Variants in PHC3 observed in about 807,000 individuals in gnomAD.
PHC3 encodes polyhomeotic homolog 3.
In PHC3, 13 loss-of-function variants were observed where a neutral mutation model predicts 107.4. The ratio of observed to expected loss-of-function variants is 0.12; its 90% CI spans 0.08 to 0.19. PHC3 has a LOEUF of 0.19. PHC3 is among the 10% of genes least tolerant of loss of function. The pLI, the probability that PHC3 is intolerant of heterozygous loss-of-function variation, is 1.00. For missense variants in PHC3, 992 were observed against 1,210.9 expected, an observed-to-expected ratio of 0.82 and a Z score of 2.68; for synonymous variants, 456 against 427.4, an observed-to-expected ratio of 1.07 and a Z score of -0.83.
Position 170,094,617 on chromosome 3 carries a change from G to A in PHC3, c.*2613C>T, listed in dbSNP as rs1038298672. 4 of 152,126 alleles carry A rather than the reference G, an allele frequency of 2.6e-5. No individual in the cohort carries two copies. The highest frequency in any genetic ancestry group is 4.4e-5 in the Non-Finnish European group (3 of 68,026). 9.4% of individuals were successfully genotyped at this position (152,126 alleles called of 1,614,324 possible). ...GTTGTCTATATATCCATTATATATAGCTGAAGCTTTGAAATTAAGATGATT... is the reference window on the plus strand; with the variant it reads ...GTTGTCTATATATCCATTATATATAACTGAAGCTTTGAAATTAAGATGATT... On this transcript the variant is annotated 3_prime_UTR_variant, in exon 15 of 15. Coordinates refer to ENST00000495893, the MANE Select transcript of PHC3 (RefSeq NM_024947.4).
chr3:170,142,946 G>C (rs920077060), intron 6 of PHC3, among the ~76,000 whole-genome samples: 5 of 152,176 alleles, frequency 3.3e-5, no homozygotes, highest in African/African-American at 4.8e-5. Context: ...AGCCTAGGTA[G>C]GCAGATCACT....
At position 170,128,882 on chromosome 3, in the gene PHC3, C is replaced by T. The variant is rs1376967940; in HGVS notation, c.1590G>A (p.Leu530=). The change falls in exon 8 of 15, where the codon TTG becomes TTA. Residue 530 remains leucine, a synonymous_variant. Transcript: ENST00000495893. ...GCACTTGTAAAGACTGCATAGACTG[C>T]AAGGGCAGTGGTGGAATCTGAGCTG... The part of the protein sequence containing the change: ...SPPAQIPPLP[L]QSMQSLQVQP... 6 of 1,613,906 alleles carry T rather than the reference C, an allele frequency of 3.7e-6. No homozygotes were observed. The African/African-American group carries it at 8.0e-5, about 22-fold the overall frequency.
At chr3:170,179,241 G>T (rs1025863677) in intron 1 of PHC3, among the ~76,000 whole-genome samples, 9 of 152,010 alleles carry the variant, frequency 5.9e-5, no homozygotes, top group Non-Finnish European at 2.9e-5. Flanking sequence ...ACCAAAACAG[G>T]TAATGAGAGA....
chr3:170,156,847 G>A (rs755158173), intron 4 of PHC3, among the ~76,000 whole-genome samples: 34 of 152,024 alleles, frequency 2.2e-4, no homozygotes, highest in Non-Finnish European at 3.8e-4. Flanking sequence ...CACGCACCTC[G>A]GCCTCCCAAA....
At chr3:170,140,084 A>T (rs543125477) in intron 6 of PHC3, among the ~76,000 whole-genome samples, 17 of 152,030 alleles carry the variant, frequency 1.1e-4, no homozygotes, top group African/African-American at 4.1e-4. Flanking sequence ...CAATTATCAT[A>T]GTATCCCTAA....
chr3:170,173,915 G>A (rs1730004713), intron 2 of PHC3, among the ~76,000 whole-genome samples: 1 of 152,168 alleles, frequency 6.6e-6, no homozygotes, highest in African/African-American at 2.4e-5. Context: ...CAAAGCAGCT[G>A]GGCAGGTTGG....
chr3:170,106,068 T>TCTA (rs939900971), intron 12 of PHC3, among the ~76,000 whole-genome samples: 1 of 151,964 alleles, frequency 6.6e-6, no homozygotes, highest in Non-Finnish European at 1.5e-5. Flanking sequence ...AAAAATTAGC[T>TCTA]GGGCATGGTG....
chr3:170,116,882 G>C (rs1719088761), intron 10 of PHC3, among the ~76,000 whole-genome samples: 1 of 149,564 alleles, frequency 6.7e-6, no homozygotes, highest in African/African-American at 2.5e-5. Context: ...CTGCACTCTA[G>C]CCTGGTCAAC....
In PHC3 at chr3:170,144,459, T is replaced by C. The variant is rs141527539; in HGVS notation, c.672+964A>G. 1.2e-3 allele frequency among the ~76,000 whole-genome samples: 189 copies of C among 152,248 alleles called. 2 individuals are homozygous for C. Among genetic ancestry groups the C allele is most frequent in the African/African-American group, 4.4e-3 (181 of 41,536 alleles). Reference sequence around the variant, plus strand: ...CCGCTGCTATAAACATTCATTTACATGTCTTTATGTGTTTTCACGTCTCTC... The same window carrying C: ...CCGCTGCTATAAACATTCATTTACACGTCTTTATGTGTTTTCACGTCTCTC... On this transcript the variant is annotated intron_variant, in intron 6 of 14. Transcript: ENST00000495893.
At chr3:170,118,736 G>A (rs1719555214) in intron 9 of PHC3, among the ~76,000 whole-genome samples, 1 of 151,750 alleles carries the variant, frequency 6.6e-6, no homozygotes, top group Admixed American at 6.6e-5. Flanking sequence ...TTTTTTTAAT[G>A]ATTTTTGTAG....
In PHC3 at chr3:170,093,655, C is replaced by T. The variant is rs1304926879; in HGVS notation, c.*3575G>A. 3.9e-5 allele frequency: 6 copies of T among 152,282 alleles called. 1 individual carries two copies. The Middle Eastern group carries it at 0.01, about 259-fold the overall frequency. 9.4% of individuals were successfully genotyped at this position (152,282 alleles called of 1,614,324 possible). A position where few individuals can be genotyped will look rare whatever the true frequency, so the allele number is the denominator to read the frequency against. On this transcript the variant is annotated 3_prime_UTR_variant, in exon 15 of 15. Coordinates refer to ENST00000495893, the MANE Select transcript of PHC3 (RefSeq NM_024947.4). ...AAAGCCTGAAGATGTACATAATGTACTTTAAGACATTTAACTGAACAAGTC... is the reference window on the plus strand; with the variant it reads ...AAAGCCTGAAGATGTACATAATGTATTTTAAGACATTTAACTGAACAAGTC...
intron 6 of PHC3, among the ~76,000 whole-genome samples, chr3:170,144,687 T>C (rs879381324): frequency 1.3e-5 from 2 of 152,134 alleles, no homozygotes; most frequent in Non-Finnish European, 2.9e-5. Context: ...AGTGAGTGTA[T>C]GGTGATACTC....
At chr3:170,151,429 T>C (rs1725949630) in intron 4 of PHC3, among the ~76,000 whole-genome samples, 1 of 151,470 alleles carries the variant, frequency 6.6e-6, no homozygotes, top group Admixed American at 6.6e-5. Flanking sequence ...CATGAAAAAA[T>C]CAGAATATAC....
chr3:170,145,826 T>C (rs1724845202), intron 5 of PHC3, among the ~76,000 whole-genome samples: 1 of 152,212 alleles, frequency 6.6e-6, no homozygotes, highest in African/African-American at 2.4e-5. Flanking sequence ...AATAAGCTAT[T>C]ATAGTTAAAT....
chr3:170,167,477 T>C (rs904603700), intron 4 of PHC3, among the ~76,000 whole-genome samples: 13 of 152,124 alleles, frequency 8.5e-5, no homozygotes, highest in African/African-American at 4.8e-5. Context: ...AGTCAAAACA[T>C]AGCCAGGCGC....
chr3:170,137,272 A>C (rs1723244728), intron 6 of PHC3, among the ~76,000 whole-genome samples: 1 of 152,180 alleles, frequency 6.6e-6, no homozygotes, highest in Non-Finnish European at 1.5e-5. Context: ...TCATGAACTG[A>C]AAAGACTCTG....
intron 6 of PHC3, among the ~76,000 whole-genome samples, chr3:170,141,737 A>G (rs983201641): frequency 3.9e-5 from 6 of 151,956 alleles, no homozygotes; most frequent in African/African-American, 1.2e-4. Flanking sequence ...TCAGCCCCCC[A>G]GGTAGCTGGG....
chr3:170,130,165 T>C lies in PHC3; in HGVS notation c.920-613A>G, dbSNP rs527505801. 2.0e-5 allele frequency among the ~76,000 whole-genome samples: 3 copies of C among 152,330 alleles called. No individual in the cohort carries two copies. The South Asian group carries it at 6.2e-4, about 32-fold the overall frequency. ...TCACCTGAATATCTACATTAACTTT[T>C]AGCAAAGTTTATACACTTGAATTTC... On this transcript the variant is annotated intron_variant, in intron 7 of 14. Transcript: ENST00000495893.
intron 11 of PHC3, among the ~76,000 whole-genome samples, chr3:170,108,224 A>G (rs985890565): frequency 3.9e-5 from 6 of 152,158 alleles, no homozygotes; most frequent in Admixed American, 3.9e-4. Context: ...TGAACTCCAT[A>G]TGTGTGCTCT....
Sources: allele counts gnomAD v4.1 joint callset (sites outside exome capture counted in the v4.1 genomes callset), GRCh38; gene constraint gnomAD v4.1.1; transcripts MANE v1.5; gene names NCBI Gene and HGNC (gene_info 2026-07-23, HGNC 2026-07-21).